MCPH1: variants seen among roughly 807,000 people sequenced by gnomAD.
The protein encoded by MCPH1 is microcephalin 1, also known as microcephalin.
In MCPH1, 104 loss-of-function variants were observed where a neutral mutation model predicts 84.5. That is an observed-to-expected ratio of 1.23 (90% confidence interval 1.05 to 1.45). MCPH1 has a LOEUF of 1.45. Among genes scored for constraint, MCPH1 ranks in the 40% most tolerant of loss-of-function variants. The probability of loss-of-function intolerance (pLI) is 0.00; values close to 1 mark genes in which losing one functional copy is unlikely to be tolerated. For synonymous variants in MCPH1, 514 were observed against 366.8 expected, an observed-to-expected ratio of 1.40 and a Z score of -4.58; for missense variants, 1,498 against 1,005.7, an observed-to-expected ratio of 1.49 and a Z score of -6.62.
At chr8:6,443,083 T>C (rs1342948388) in intron 7 of MCPH1, among the ~76,000 whole-genome samples, 6 of 152,232 alleles carry the variant, frequency 3.9e-5, no homozygotes, top group Non-Finnish European at 8.8e-5. Flanking sequence ...AAGTGTCTTA[T>C]TCACTGTTAT....
chr8:6,612,154 G>A (rs1285188052), intron 12 of MCPH1, among the ~76,000 whole-genome samples: 1 of 152,124 alleles, frequency 6.6e-6, no homozygotes, highest in Admixed American at 6.5e-5. Flanking sequence ...TGCATCGCTC[G>A]GGGAATTCCA....
At chr8:6,481,962 GA>G (rs1237388549) in intron 11 of MCPH1, among the ~76,000 whole-genome samples, 1 of 152,148 alleles carries the variant, frequency 6.6e-6, no homozygotes. Flanking sequence ...ATTCTTTTCT[GA>G]CTAGCATGAA....
At chr8:6,425,887 C>T (rs1351742601) in intron 3 of MCPH1, among the ~76,000 whole-genome samples, 3 of 152,102 alleles carry the variant, frequency 2.0e-5, no homozygotes, top group Non-Finnish European at 4.4e-5. Flanking sequence ...TTTGATAACA[C>T]GATTATCTAG....
At chr8:6,593,511 C>T (rs1057168526) in intron 12 of MCPH1, among the ~76,000 whole-genome samples, 7 of 152,022 alleles carry the variant, frequency 4.6e-5, no homozygotes, top group African/African-American at 7.3e-5. Context: ...CACGCCACCA[C>T]GCCTGGCTAA....
intron 13 of MCPH1, chr8:6,626,403 T>G (rs1832077448): frequency 1.0e-6 from 1 of 985,012 alleles, no homozygotes; most frequent in South Asian, 4.7e-5. Context: ...TGTATTGTAC[T>G]TGGGCCAAGA....
intron 7 of MCPH1, among the ~76,000 whole-genome samples, chr8:6,443,309 CAT>C (rs1803786096): frequency 1.3e-5 from 2 of 151,514 alleles, no homozygotes; most frequent in African/African-American, 4.9e-5. Context: ...TGTGATAAAA[CAT>C]AAAACAATTT....
intron 12 of MCPH1, among the ~76,000 whole-genome samples, chr8:6,530,953 C>T (rs1347281487): frequency 6.6e-6 from 1 of 152,156 alleles, no homozygotes; most frequent in Non-Finnish European, 1.5e-5. Flanking sequence ...GCTGAAGTAG[C>T]ATTTAGGAAT....
At chr8:6,475,139 C>T (rs1808278055) in intron 9 of MCPH1, among the ~76,000 whole-genome samples, 1 of 152,210 alleles carries the variant, frequency 6.6e-6, no homozygotes, top group Admixed American at 6.5e-5. Context: ...CTTGGTAAGA[C>T]CATCTCATGA....
chr8:6,552,253 C>T (rs1036520972), intron 12 of MCPH1, among the ~76,000 whole-genome samples: 5 of 152,160 alleles, frequency 3.3e-5, no homozygotes, highest in East Asian at 3.8e-4. Context: ...GCATTGCTTA[C>T]GACTCACACT....
At chr8:6,635,143 C>G (rs1797451746) in intron 13 of MCPH1, 1 of 152,174 alleles carries the variant, frequency 6.6e-6, no homozygotes, top group African/African-American at 2.4e-5. Flanking sequence ...CTTCAGAGTT[C>G]ATCAGTCAGC....
At chr8:6,406,759 C>G (rs149814233) in intron 1 of MCPH1, 70 bp downstream of exon 1, 22,322 of 1,560,618 alleles carry the variant, frequency 0.014, 207 homozygotes, top group Middle Eastern at 0.047. Flanking sequence ...CGCGGGCGCA[C>G]TCGGGGGATC....
At chr8:6,486,577 C>T (rs1809956771) in intron 11 of MCPH1, among the ~76,000 whole-genome samples, 1 of 152,162 alleles carries the variant, frequency 6.6e-6, no homozygotes, top group South Asian at 2.1e-4. Flanking sequence ...TGAATTTTGA[C>T]TTAATATTTT....
At chr8:6,494,677 C>T (rs184115691) in intron 11 of MCPH1, 1 of 152,096 alleles carries the variant, frequency 6.6e-6, no homozygotes, top group Non-Finnish European at 1.5e-5. Context: ...TCCTTTCAGA[C>T]AGTATATCCA....
rs371502068 is a variant in MCPH1, at chr8:6,411,876, A to G, written c.114+2506A>G. Among the ~76,000 whole-genome samples the G allele has an allele frequency of 3.3e-5, 5 of 152,276 alleles. No individual in the cohort carries two copies. The East Asian group carries it at 5.8e-4, about 18-fold the overall frequency. ...ACTTAACCCCCGTGGATAAGGGGGAACTAATGTGCTCTTATAGGGAGTTTA... is the reference window on the plus strand; with the variant it reads ...ACTTAACCCCCGTGGATAAGGGGGAGCTAATGTGCTCTTATAGGGAGTTTA... On this transcript the variant is annotated intron_variant, in intron 2 of 13. Coordinates refer to ENST00000344683, the MANE Select transcript of MCPH1 (RefSeq NM_024596.5).
rs1393195145 is a variant in MCPH1 at position 6,621,441 on chromosome 8, G to A, written c.2215-13G>A. 2 of 1,613,566 alleles carry A rather than the reference G, an allele frequency of 1.2e-6. No homozygotes were observed. Among genetic ancestry groups the A allele is most frequent in the Non-Finnish European group, 1.7e-6 (2 of 1,179,900 alleles). On this transcript the variant is annotated splice_polypyrimidine_tract_variant and intron_variant, in intron 12 of 13. Transcript: ENST00000344683. ...GTCCCACCTCTGTAATTCTATCTCT[G>A]TCTGCCCCACAGCTGTGCCGAAGCG...
chr8:6,456,657 C>CTTT lies in MCPH1; in HGVS notation c.1935+1416_1935+1418dup, dbSNP rs35818409. ...GTACTCTACGTTGTACCATGTCTGG[C>CTTT]TTTTTTTTTTTTTAAGTGCTCAGTA... is the stretch of plus-strand genomic sequence containing the variant. On this transcript the variant is annotated intron_variant, in intron 9 of 13. Transcript: ENST00000344683. 1.0e-3 allele frequency among the ~76,000 whole-genome samples: 147 copies of CTTT among 144,864 alleles called. 1 individual carries two copies. The highest frequency in any genetic ancestry group is 1.3e-3 in the Admixed American group (19 of 14,548).
rs34420641 is a variant in MCPH1 at position 6,409,976 on chromosome 8, A to ATT, written c.114+617_114+618dup. Among the ~76,000 whole-genome samples the ATT allele has an allele frequency of 6.4e-4, 95 of 147,656 alleles. 1 individual carries two copies. In the South Asian group the frequency reaches 0.017, roughly 27 times the overall value. On this transcript the variant is annotated intron_variant, in intron 2 of 13. Transcript: ENST00000344683. ...AGTGTGGAAGTCAAAGTAGGGAGTAATTTTTTTTTTTTGAGACGGAGTCTC... is the reference window on the plus strand; with the variant it reads ...AGTGTGGAAGTCAAAGTAGGGAGTAATTTTTTTTTTTTTTGAGACGGAGTCTC...
In MCPH1 at chr8:6,644,528, G is replaced by T. The variant is rs1042234414; in HGVS notation, c.*1479G>T. The T allele has an allele frequency of 1.3e-5, 2 of 152,134 alleles. No homozygotes were observed. Among genetic ancestry groups the T allele is most frequent in the African/African-American group, 2.4e-5 (1 of 41,426 alleles). 9.4% of individuals were successfully genotyped at this position (152,134 alleles called of 1,614,324 possible). ...ATAGTAAATCCATGTACAAAAATCA[G>T]CATTTCCAAACACAGTAACATTCAA... On this transcript the variant is annotated 3_prime_UTR_variant, in exon 14 of 14. Transcript: ENST00000344683.
intron 12 of MCPH1, among the ~76,000 whole-genome samples, chr8:6,576,826 G>A (rs940219633): frequency 6.6e-6 from 1 of 150,670 alleles, no homozygotes; most frequent in Admixed American, 6.6e-5. Context: ...GCCTCCTAAA[G>A]TGCTGGGAGA....
Sources: allele counts gnomAD v4.1 joint callset (sites outside exome capture counted in the v4.1 genomes callset), GRCh38; gene constraint gnomAD v4.1.1; transcripts MANE v1.5; gene names NCBI Gene and HGNC (gene_info 2026-07-23, HGNC 2026-07-21).